GPR158: variants seen among roughly 807,000 people sequenced by gnomAD.
GPR158 encodes the protein metabotropic glycine receptor.
A neutral mutation model predicts 78.2 loss-of-function variants in GPR158; 30 were observed. The ratio of observed to expected loss-of-function variants is 0.38; its 90% confidence interval spans 0.29 to 0.52. The LOEUF (loss-of-function observed/expected upper bound fraction) is 0.52, where lower values mean the gene tolerates loss of function less well. GPR158 is among the 20% of genes least tolerant of loss of function. The probability of loss-of-function intolerance (pLI) is 0.83; values close to 1 mark genes in which losing one functional copy is unlikely to be tolerated. For synonymous variants in GPR158, 581 were observed against 591.1 expected, an observed-to-expected ratio of 0.98 and a Z score of 0.25; for missense variants, 1,463 against 1,523.5, an observed-to-expected ratio of 0.96 and a Z score of 0.66.
chr10:25,261,850 G>A (rs902614481), intron 2 of GPR158, among the ~76,000 whole-genome samples: 12 of 152,102 alleles, frequency 7.9e-5, no homozygotes, highest in African/African-American at 2.2e-4. Flanking sequence ...AATAATTTTG[G>A]TAGAGTTTTG....
intron 2 of GPR158, among the ~76,000 whole-genome samples, chr10:25,369,459 C>T (rs1197980242): frequency 6.8e-6 from 1 of 147,154 alleles, no homozygotes; most frequent in Non-Finnish European, 1.5e-5. Flanking sequence ...TGTTTATATG[C>T]TGGATTACAT....
At chr10:25,294,008 G>A (rs1253164607) in intron 2 of GPR158, among the ~76,000 whole-genome samples, 1 of 152,152 alleles carries the variant, frequency 6.6e-6, no homozygotes, top group South Asian at 2.1e-4. Flanking sequence ...GCCTCCCAAA[G>A]TGCGGGATTA....
rs769583845 is a variant in GPR158, at chr10:25,594,348, A to G, written c.1949A>G (p.His650Arg). 3 of 1,596,476 alleles carry G rather than the reference A, an allele frequency of 1.9e-6. No individual in the cohort carries two copies. The highest frequency in any genetic ancestry group is 2.6e-6 in the Non-Finnish European group (3 of 1,165,252). Reference sequence around the variant, plus strand: ...TGGATGTTGATGCTGTATTTTGCACATACTCATTTGACTGTGACAGTCACC... The same window carrying G: ...TGGATGTTGATGCTGTATTTTGCACGTACTCATTTGACTGTGACAGTCACC... Reference protein sequence around the residue: ...SDWMLMLYFAHTHLTVTVTIG... With the variant: ...SDWMLMLYFARTHLTVTVTIG... Residue 650 changes from histidine to arginine, a missense_variant, in exon 9 of 11, where the codon CAT (histidine) becomes CGT (arginine). Coordinates refer to ENST00000376351, the MANE Select transcript of GPR158 (RefSeq NM_020752.3).
chr10:25,420,395 C>T (rs1198428620), intron 4 of GPR158, among the ~76,000 whole-genome samples: 5 of 152,132 alleles, frequency 3.3e-5, no homozygotes, highest in Admixed American at 6.6e-5. Context: ...TCAAGCAATC[C>T]TCCTGCCCCA....
intron 5 of GPR158, among the ~76,000 whole-genome samples, chr10:25,494,778 AG>A (rs1419088003): frequency 6.6e-6 from 1 of 152,172 alleles, no homozygotes; most frequent in East Asian, 1.9e-4. Flanking sequence ...TTGCTGTATT[AG>A]GGGGTTTAAA....
chr10:25,266,581 A>C (rs1588766234), intron 2 of GPR158, among the ~76,000 whole-genome samples: 1 of 152,134 alleles, frequency 6.6e-6, no homozygotes, highest in South Asian at 2.1e-4. Context: ...CTTTTTTTAC[A>C]TTCTAAGCTT....
intron 2 of GPR158, among the ~76,000 whole-genome samples, chr10:25,285,571 T>A (rs568781164): frequency 6.6e-6 from 1 of 152,232 alleles, no homozygotes; most frequent in South Asian, 2.1e-4. Context: ...GAAAAGTGTA[T>A]TCCAGTTTCT....
chr10:25,187,529 A>G (rs1027459400), intron 1 of GPR158, among the ~76,000 whole-genome samples: 6 of 152,160 alleles, frequency 3.9e-5, no homozygotes, highest in Non-Finnish European at 7.3e-5. Context: ...CAAAGACAAA[A>G]ACCACATGAT....
intron 4 of GPR158, among the ~76,000 whole-genome samples, chr10:25,429,463 T>C (rs1055273198): frequency 2.0e-5 from 3 of 152,130 alleles, no homozygotes; most frequent in African/African-American, 7.2e-5. Flanking sequence ...GAGTTTCAAA[T>C]GTTTATTTTT....
intron 5 of GPR158, among the ~76,000 whole-genome samples, chr10:25,517,632 T>A (rs1310660637): frequency 6.6e-6 from 1 of 152,098 alleles, no homozygotes; most frequent in Admixed American, 6.5e-5. Flanking sequence ...GAGATAATCA[T>A]GTGGTTTTTG....
chr10:25,212,472 C>T (rs981057906), intron 1 of GPR158, among the ~76,000 whole-genome samples: 10 of 152,072 alleles, frequency 6.6e-5, no homozygotes, highest in African/African-American at 1.7e-4. Context: ...TTGGGGATTA[C>T]AATTCGACAT....
intron 5 of GPR158, among the ~76,000 whole-genome samples, chr10:25,507,118 A>G (rs145417426): frequency 6.6e-6 from 1 of 152,366 alleles, no homozygotes; most frequent in Non-Finnish European, 1.5e-5. Context: ...CCAGACAGCT[A>G]CATGGAGCAT....
chr10:25,448,925 GTAA>G (rs1305482267), intron 4 of GPR158, among the ~76,000 whole-genome samples: 1 of 152,042 alleles, frequency 6.6e-6, no homozygotes, highest in Non-Finnish European at 1.5e-5. Flanking sequence ...AAAATTTTAA[GTAA>G]TAATGTAAAA....
Position 25,580,928 on chromosome 10 carries a change from A to AT in GPR158, c.1753+8048dup, listed in dbSNP as rs1239379922. On this transcript the variant is annotated intron_variant, in intron 7 of 10. Transcript: ENST00000376351. Reference sequence around the variant, plus strand: ...TTTTTATTTTATTTTATTTTATTTTATTTTTTTGAGACGGAGTCTCGCTCT... The same window carrying AT: ...TTTTTATTTTATTTTATTTTATTTTATTTTTTTTGAGACGGAGTCTCGCTCT... Among the ~76,000 whole-genome samples, 746 of 115,960 alleles carry AT rather than the reference A, an allele frequency of 6.4e-3. 33 individuals carry two copies. The East Asian group carries it at 0.066, about 10-fold the overall frequency. The allele number at this position is 115,960 out of a possible 152,430, so 76.1% of individuals were successfully genotyped here.
chr10:25,528,578 A>T lies in GPR158; in HGVS notation c.1405-22398A>T, dbSNP rs182555057. Among the ~76,000 whole-genome samples the T allele has an allele frequency of 3.6e-3, 551 of 151,356 alleles. 1 individual carries two copies. The highest frequency in any genetic ancestry group is 0.011 in the African/African-American group (473 of 41,232). ...CTAAATACATACAAGTAGATTTATT[A>T]AAAAATGTGCAAGAAATCTACACTG... On this transcript the variant is annotated intron_variant, in intron 5 of 10. Coordinates refer to ENST00000376351, the MANE Select transcript of GPR158 (RefSeq NM_020752.3).
chr10:25,596,661 A>G lies in GPR158; in HGVS notation c.2017A>G (p.Asn673Asp), dbSNP rs1249989013. 6.2e-7 allele frequency: 1 copy of G among 1,613,512 alleles called. No homozygotes were observed. Among genetic ancestry groups the G allele is most frequent in the Non-Finnish European group, 8.5e-7 (1 of 1,179,660 alleles). Reference sequence around the variant, plus strand: ...GTTTCAGTTTTCACATTCAAGCAATAACCCACGAGATGATATTGCTACAGA... The same window carrying G: ...GTTTCAGTTTTCACATTCAAGCAATGACCCACGAGATGATATTGCTACAGA... ...LIPKFSHSSN[N>D]PRDDIATEAY... Residue 673 changes from asparagine (N) to aspartate (D), a missense_variant, in exon 10 of 11, where the codon AAC becomes GAC. Asn to Asp is a conservative substitution (Grantham distance 23). Transcript: ENST00000376351.
At chr10:25,501,859 C>T (rs1464746250) in intron 5 of GPR158, among the ~76,000 whole-genome samples, 7 of 152,168 alleles carry the variant, frequency 4.6e-5, no homozygotes, top group Admixed American at 2.6e-4. Flanking sequence ...ACCCAACTTA[C>T]GTGGCTAATT....
At position 25,175,434 on chromosome 10, in the gene GPR158, C is replaced by A; in HGVS notation, c.14C>A (p.Ala5Asp). ...TCTGGGAGGCAGATGGGAGCCATGG[C>A]TTACCCCTTACTCCTCTGCCTCCTG... is the stretch of plus-strand genomic sequence containing the variant. MGAM[A>D]YPLLLCLLLA... is the part of the protein sequence containing the mutation. Residue 5 changes from alanine (A) to aspartate (D), a missense_variant, in exon 1 of 11, where the codon GCT becomes GAT. By Grantham distance (126) the Ala-to-Asp change is moderately radical. Coordinates refer to ENST00000376351, the MANE Select transcript of GPR158 (RefSeq NM_020752.3). The surrounding 1 kb of genome is among the most constrained non-coding windows in gnomAD (Gnocchi z 6.4). The A allele has an allele frequency of 6.4e-7, 1 of 1,564,258 alleles. No homozygotes were observed.
In GPR158 at chr10:25,356,566, G is replaced by C. The variant is rs73608282; in HGVS notation, c.1009-39345G>C. ...CTTTTCCCATGCTGTTCATGTGATA[G>C]TAAATGGGTCTTACAAGATTTGATA... On this transcript the variant is annotated intron_variant, in intron 2 of 10. Transcript: ENST00000376351. 8.5e-3 allele frequency among the ~76,000 whole-genome samples: 1,300 copies of C among 152,066 alleles called. 22 individuals are homozygous for C. Among genetic ancestry groups the C allele is most frequent in the African/African-American group, 0.03 (1,226 of 41,496 alleles).
Sources: allele counts gnomAD v4.1 joint callset (sites outside exome capture counted in the v4.1 genomes callset), GRCh38; gene constraint gnomAD v4.1.1; non-coding constraint Gnocchi (gnomAD v3.1); transcripts MANE v1.5; gene names NCBI Gene and HGNC (gene_info 2026-07-23, HGNC 2026-07-21).